The following SMU1 variants were observed in gnomAD, a reference collection of about 807,000 sequenced individuals.
SMU1 encodes the protein WD40 repeat-containing protein SMU1.
A neutral mutation model predicts 62.0 loss-of-function variants in SMU1; 2 were observed. That is an observed-to-expected ratio of 0.03 (90% CI 0.01 to 0.10). The LOEUF (loss-of-function observed/expected upper bound fraction) is 0.10, where lower values mean the gene tolerates loss of function less well. SMU1 is among the 10% of genes least tolerant of loss of function. The probability of loss-of-function intolerance (pLI) is 1.00; values close to 1 mark genes in which losing one functional copy is unlikely to be tolerated. For synonymous variants in SMU1, 188 were observed against 212.4 expected, an observed-to-expected ratio of 0.89 and a Z score of 1.00; for missense variants, 227 against 622.1, an observed-to-expected ratio of 0.36 and a Z score of 6.76.
At chr9:33,058,306 T>C (rs1839323542) in intron 6 of SMU1, among the ~76,000 whole-genome samples, 1 of 152,210 alleles carries the variant, frequency 6.6e-6, no homozygotes, top group Non-Finnish European at 1.5e-5. Context: ...TACTCTACGA[T>C]AAAAATTACA....
chr9:33,057,106 T>C (rs1839312538), intron 7 of SMU1, 142 bp from the exon 8 acceptor site: 19 of 783,692 alleles, frequency 2.4e-5, no homozygotes, highest in South Asian at 1.6e-4. Flanking sequence ...GAATATGATG[T>C]CTAGTTCACA....
In SMU1 at chr9:33,054,958, C is replaced by A. The variant is rs549765204; in HGVS notation, c.1122+1155G>T. On this transcript the variant is annotated intron_variant, in intron 9 of 11. Transcript: ENST00000397149. ...GGGGGAAAGACCACAAAATAAGGAA[C>A]CTTAGATAAGCCATCTTCCAGTGGC... Among the ~76,000 whole-genome samples the A allele has an allele frequency of 5.9e-5, 9 of 152,284 alleles. No individual in the cohort carries two copies. In the East Asian group the frequency reaches 7.7e-4, roughly 13 times the overall value.
At chr9:33,050,637 C>G (rs1295363883) in intron 10 of SMU1, among the ~76,000 whole-genome samples, 1 of 150,654 alleles carries the variant, frequency 6.6e-6, no homozygotes, top group Non-Finnish European at 1.5e-5. Context: ...ACCAGCCTGG[C>G]CAAGATGGTG....
intron 4 of SMU1, among the ~76,000 whole-genome samples, chr9:33,068,356 C>A (rs1839446009): frequency 6.6e-6 from 1 of 152,100 alleles, no homozygotes; most frequent in African/African-American, 2.4e-5. Flanking sequence ...ATCTATATTG[C>A]CTCTCCCAGG....
At chr9:33,054,172 TTTTC>T (rs1012555173) in intron 9 of SMU1, among the ~76,000 whole-genome samples, 16 of 151,728 alleles carry the variant, frequency 1.1e-4, no homozygotes, top group Admixed American at 3.3e-4. Context: ...ACCGCTTTTC[TTTTC>T]TTTTTTTTTT....
intron 5 of SMU1, among the ~76,000 whole-genome samples, chr9:33,061,035 A>T (rs1839356131): frequency 6.6e-6 from 1 of 152,322 alleles, no homozygotes; most frequent in South Asian, 2.1e-4. Flanking sequence ...TTGTAAATAA[A>T]CTTTCTATCA....
chr9:33,065,704 A>T (rs1839411993), intron 4 of SMU1, among the ~76,000 whole-genome samples: 2 of 152,200 alleles, frequency 1.3e-5, no homozygotes, highest in Admixed American at 6.5e-5. Flanking sequence ...GGCTGAAAAC[A>T]GGGGCAATAT....
intron 9 of SMU1, among the ~76,000 whole-genome samples, chr9:33,055,668 T>C (rs1033187885): frequency 2.0e-5 from 3 of 152,232 alleles, no homozygotes; most frequent in African/African-American, 7.2e-5. Context: ...CCTATTCCTC[T>C]ATAAATGCTA....
chr9:33,061,953 C>T (rs1294028485), intron 5 of SMU1, 96 bp downstream of exon 5: 36 of 1,318,134 alleles, frequency 2.7e-5, no homozygotes, highest in Non-Finnish European at 3.7e-5. Flanking sequence ...GAGTTCTCCC[C>T]CTCAATTATC....
chr9:33,053,068 G>T, intron 10 of SMU1, 55 bp downstream of exon 10: 1 of 1,544,626 alleles, frequency 6.5e-7, no homozygotes, highest in Non-Finnish European at 8.9e-7. Context: ...ACCAGGAAGT[G>T]CTGATTTGGG....
intron 10 of SMU1, among the ~76,000 whole-genome samples, chr9:33,052,527 G>C (rs1839261707): frequency 6.6e-6 from 1 of 152,074 alleles, no homozygotes; most frequent in Non-Finnish European, 1.5e-5. Context: ...ACCAGCCCCT[G>C]GGTCTTCTCT....
chr9:33,057,481 A>G, intron 7 of SMU1, 117 bp downstream of exon 7: 2 of 1,275,216 alleles, frequency 1.6e-6, no homozygotes, highest in Non-Finnish European at 2.2e-6. Flanking sequence ...GATTAGCATA[A>G]AGCTGATGCT....
In SMU1 at chr9:33,073,818, C is replaced by A. The variant is rs1419111459; in HGVS notation, c.27-12G>T. The A allele has an allele frequency of 6.2e-7, 1 of 1,612,382 alleles. No homozygotes were observed. The highest frequency in any genetic ancestry group is 8.5e-7 in the Non-Finnish European group (1 of 1,178,582). ...TAAGGCGGATCACACTGAAAGAAAA[C>A]AAATCGTTCAGCTCAGGGATTCTCA... On this transcript the variant is annotated splice_polypyrimidine_tract_variant and intron_variant, in intron 1 of 11. Transcript: ENST00000397149.
At position 33,071,851 on chromosome 9, in the gene SMU1, G is replaced by A; in HGVS notation, c.279C>T (p.Ala93=). 1 of 1,592,240 alleles carries A rather than the reference G, an allele frequency of 6.3e-7. No homozygotes were observed. The highest frequency in any genetic ancestry group is 8.5e-7 in the Non-Finnish European group (1 of 1,172,776). Residue 93 remains alanine, a synonymous_variant, in exon 3 of 12, where the codon GCC becomes GCT. Transcript: ENST00000397149. Reference sequence around the variant, plus strand: ...GATCAGTCTGTCTCAAAAGTGACCTGGCAGCACCCAATTCACGGAGCTCTA... The same window carrying A: ...GATCAGTCTGTCTCAAAAGTGACCTAGCAGCACCCAATTCACGGAGCTCTA... The part of the protein sequence containing the change: ...ELIELRELGA[A]RSLLRQTDPM...
chr9:33,056,145 T>C lies in SMU1; in HGVS notation c.1090A>G (p.Ile364Val). The change falls in exon 9 of 12, where the codon ATT (isoleucine) becomes GTT (valine). Residue 364 changes from isoleucine to valine, a missense_variant. Ile to Val is a conservative substitution (Grantham distance 29). This residue lies in a region of SMU1 where 98 missense variants were observed against 195.9 expected (regional missense o/e 0.50). Transcript: ENST00000397149. ...EATFTQDGHY[I>V]ISASSDGTVK... ...GTGCCATCAGAGGATGCACTAATAA[T>C]GTAATGTCCATCTTGTGTAAATGTT... 6.2e-7 allele frequency: 1 copy of C among 1,613,034 alleles called. No individual in the cohort carries two copies. The highest frequency in any genetic ancestry group is 8.5e-7 in the Non-Finnish European group (1 of 1,179,474).
chr9:33,051,039 T>C (rs1479484875), intron 10 of SMU1, among the ~76,000 whole-genome samples: 5 of 94,240 alleles, frequency 5.3e-5, no homozygotes, highest in Non-Finnish European at 9.2e-5. Flanking sequence ...GAGAATGGCG[T>C]GAACCCAGGA....
Position 33,056,235 on chromosome 9 carries a change from G to T in SMU1, c.1000C>A (p.His334Asn). The change falls in exon 9 of 12, where the codon CAT becomes AAT. Residue 334 changes from histidine (H) to asparagine (N), a missense_variant. This residue lies in a region of SMU1 where 98 missense variants were observed against 195.9 expected (regional missense o/e 0.50). Transcript: ENST00000397149. ...AGGGTTTTCCCAGATTTTAAACCAT[G>T]AATTCTACCAAATGAAAGTAAATGA... ...SASFDQTIRI[H>N]GLKSGKTLKE... is the part of the protein sequence containing the mutation. 6.2e-7 allele frequency: 1 copy of T among 1,610,612 alleles called. No homozygotes were observed. Among genetic ancestry groups the T allele is most frequent in the South Asian group, 1.1e-5 (1 of 90,552 alleles).
At chr9:33,069,746 G>T (rs1839465828) in intron 3 of SMU1, among the ~76,000 whole-genome samples, 1 of 152,172 alleles carries the variant, frequency 6.6e-6, no homozygotes, top group Admixed American at 6.5e-5. Flanking sequence ...AGGTTGCAGT[G>T]AGCTAAGATC....
In SMU1 at chr9:33,042,498, A is replaced by G. The variant is rs1839137215; in HGVS notation, c.*4795T>C. The stretch of plus-strand genomic sequence containing the variant: ...TTGTAGGGAATAGGAGTAGAGGCCA[A>G]TTATGTCGCTTGAGAGTGCTCTTGG... On this transcript the variant is annotated 3_prime_UTR_variant, in exon 12 of 12. Transcript: ENST00000397149. The G allele has an allele frequency of 6.6e-6, 1 of 152,256 alleles. No homozygotes were observed. Among genetic ancestry groups the G allele is most frequent in the African/African-American group, 2.4e-5 (1 of 41,448 alleles). 9.4% of individuals were successfully genotyped at this position (152,256 alleles called of 1,614,324 possible).
Sources: allele counts gnomAD v4.1 joint callset (sites outside exome capture counted in the v4.1 genomes callset), GRCh38; gene constraint gnomAD v4.1.1; regional missense constraint gnomAD v4.1.1; transcripts MANE v1.5; gene names NCBI Gene and HGNC (gene_info 2026-07-23, HGNC 2026-07-21).